Variants in PRPF40B observed in about 807,000 individuals in gnomAD.
PRPF40B encodes pre-mRNA-processing factor 40 homolog B.
PRPF40B carries 56 observed loss-of-function variants against 124.5 expected under a neutral mutation model. The ratio of observed to expected loss-of-function variants is 0.45; its 90% CI spans 0.36 to 0.56. The LOEUF is 0.56. PRPF40B is among the 20% of genes least tolerant of loss of function. The probability of loss-of-function intolerance (pLI) is 0.00; values close to 1 mark genes in which losing one functional copy is unlikely to be tolerated. For synonymous variants in PRPF40B, 443 were observed against 426.4 expected (o/e 1.04, Z -0.48); for missense variants, 1,053 against 1,169.5 (o/e 0.90, Z 1.45).
intron 4 of PRPF40B, 55 bp from the exon 5 acceptor site, chr12:49,632,541 T>C: frequency 6.3e-7 from 1 of 1,594,238 alleles, no homozygotes; most frequent in Non-Finnish European, 8.6e-7. Context: ...ATGGCCTGGG[T>C]CCTGGGGGCC....
At position 49,631,737 on chromosome 12, in the gene PRPF40B, G is replaced by T; in HGVS notation, c.229-123G>T. ...AGAGGCCAGAATCTGGGGATTGCCT[G>T]AGGAAGTGCCCAAGTGAGGGTCATG... On this transcript the variant is annotated intron_variant, in intron 3 of 25. Transcript: ENST00000548825. This position sits in a 1 kb window ranked among gnomAD's most constrained non-coding sequence, Gnocchi z 4.3. 1 of 1,256,258 alleles carries T rather than the reference G, an allele frequency of 8.0e-7. No individual in the cohort carries two copies. Among genetic ancestry groups the T allele is most frequent in the Non-Finnish European group, 1.2e-6 (1 of 858,602 alleles). The allele number at this position is 1,256,258 out of a possible 1,614,324, so 77.8% of individuals were successfully genotyped here. A position where few individuals can be genotyped will look rare whatever the true frequency, so the allele number is the denominator to read the frequency against.
chr12:49,637,728 T>TA lies in PRPF40B; in HGVS notation c.1676-4dup, dbSNP rs774476500. The TA allele has an allele frequency of 3.2e-6, 5 of 1,557,498 alleles. No homozygotes were observed. In the African/African-American group the frequency reaches 5.5e-5, roughly 17 times the overall value. On this transcript the variant is annotated splice_polypyrimidine_tract_variant and splice_region_variant and intron_variant, in intron 17 of 25. Coordinates refer to ENST00000548825, the MANE Select transcript of PRPF40B (RefSeq NM_001031698.3). ...CGCCAGGCCCCCCTCCCTCCCTCCT[T>TA]ACAGGCTCCACCCCTCTGGACTTAT...
Position 49,623,741 on chromosome 12 carries a change from C to G in PRPF40B, c.3+148C>G, listed in dbSNP as rs1400081733. On this transcript the variant is annotated intron_variant, in intron 1 of 25. Coordinates refer to ENST00000548825, the MANE Select transcript of PRPF40B (RefSeq NM_001031698.3). ...GGAGGCCAAGGGTGAGGGAAGAGAG[C>G]CCGGGAGGGGGGATGGGGGCGGGGA... The G allele has an allele frequency of 4.2e-6, 4 of 958,260 alleles. No individual in the cohort carries two copies. The Admixed American group carries it at 2.6e-4, about 63-fold the overall frequency. The allele number at this position is 958,260 out of a possible 1,614,324, so 59.4% of individuals were successfully genotyped here. A position where few individuals can be genotyped will look rare whatever the true frequency, so the allele number is the denominator to read the frequency against.
intron 10 of PRPF40B, 51 bp downstream of exon 10, chr12:49,634,143 C>G: frequency 2.5e-6 from 4 of 1,593,074 alleles, no homozygotes; most frequent in Non-Finnish European, 3.4e-6. Flanking sequence ...GACTCCCAGC[C>G]TGGTTCAACC....
At chr12:49,637,658 G>T (rs1942024929) in intron 17 of PRPF40B, 74 bp downstream of exon 17, 4 of 1,558,536 alleles carry the variant, frequency 2.6e-6, no homozygotes, top group Non-Finnish European at 2.6e-6. Context: ...CCTACTACCG[G>T]CTCCTGTCCT....
At chr12:49,625,708 A>G (rs530731417) in intron 1 of PRPF40B, among the ~76,000 whole-genome samples, 257 of 152,256 alleles carry the variant, frequency 1.7e-3, no homozygotes, top group African/African-American at 5.9e-3. Context: ...TCAGCCCACA[A>G]ATGTGTTTTT....
intron 18 of PRPF40B, chr12:49,638,463 A>G (rs1226057163): frequency 6.6e-6 from 1 of 152,240 alleles, no homozygotes; most frequent in Non-Finnish European, 1.5e-5. Flanking sequence ...CCTTCTTGAT[A>G]CTGTCGCAAG....
chr12:49,644,271 T>C lies in PRPF40B; in HGVS notation c.*79T>C, dbSNP rs1362407224. Reference sequence around the variant, plus strand: ...ACCCTCACCGTCTGCCTCAGACTTCTTCCTTAGTCTGGTCTGTGTCCACTT... The same window carrying C: ...ACCCTCACCGTCTGCCTCAGACTTCCTCCTTAGTCTGGTCTGTGTCCACTT... On this transcript the variant is annotated 3_prime_UTR_variant, in exon 26 of 26. Coordinates refer to ENST00000548825, the MANE Select transcript of PRPF40B (RefSeq NM_001031698.3). 3.4e-6 allele frequency: 5 copies of C among 1,487,138 alleles called. No individual in the cohort carries two copies. The highest frequency in any genetic ancestry group is 2.8e-5 in the African/African-American group (2 of 72,222). 92.1% of individuals were successfully genotyped at this position (1,487,138 alleles called of 1,614,324 possible).
At chr12:49,634,946 C>G (rs377085150) in intron 12 of PRPF40B, 153 bp from the exon 13 acceptor site, 1 of 807,748 alleles carries the variant, frequency 1.2e-6, no homozygotes, top group East Asian at 2.7e-5. Context: ...CTTCCTGTCA[C>G]CCCTACTTCT....
intron 4 of PRPF40B, 51 bp from the exon 5 acceptor site, chr12:49,632,545 G>A: frequency 6.3e-7 from 1 of 1,599,774 alleles, no homozygotes; most frequent in South Asian, 1.1e-5. Context: ...CCTGGGTCCT[G>A]GGGGCCACTG....
intron 18 of PRPF40B, chr12:49,641,635 AG>A (rs1942666488): frequency 6.7e-6 from 3 of 445,650 alleles, no homozygotes; most frequent in Non-Finnish European, 1.2e-5. Context: ...AAGGAACAAA[AG>A]TTAATTTTGA....
intron 9 of PRPF40B, 79 bp downstream of exon 9, chr12:49,633,740 C>T: frequency 1.9e-6 from 3 of 1,609,546 alleles, no homozygotes; most frequent in Non-Finnish European, 1.7e-6. Context: ...ATGATCTCTA[C>T]ACTGTGGGAG....
intron 2 of PRPF40B, among the ~76,000 whole-genome samples, chr12:49,630,947 C>T (rs1038833237): frequency 2.6e-5 from 4 of 152,158 alleles, no homozygotes; most frequent in African/African-American, 7.2e-5. Flanking sequence ...CTTACCTATG[C>T]TCTTTAAATA....
In PRPF40B at chr12:49,643,850, G is replaced by A; in HGVS notation, c.2443-11G>A. 1 of 1,614,146 alleles carries A rather than the reference G, an allele frequency of 6.2e-7. No homozygotes were observed. Among genetic ancestry groups the A allele is most frequent in the Non-Finnish European group, 8.5e-7 (1 of 1,179,992 alleles). On this transcript the variant is annotated splice_polypyrimidine_tract_variant and intron_variant, in intron 24 of 25. Transcript: ENST00000548825. ...ACAGGAACTGAGGAGGTGGGCTCTG[G>A]ACTCTTACAGAATAGTCCTGAGAGT...
intron 1 of PRPF40B, among the ~76,000 whole-genome samples, chr12:49,630,066 T>C (rs375079444): frequency 6.6e-6 from 1 of 152,180 alleles, no homozygotes; most frequent in African/African-American, 2.4e-5. Flanking sequence ...TAGCGACTAT[T>C]TGTGTTGAGA....
At chr12:49,622,956 G>A (rs1243663107), upstream of PRPF40B, among the ~76,000 whole-genome samples, 1 of 152,102 alleles carries the variant, frequency 6.6e-6, no homozygotes, top group Admixed American at 6.5e-5. Flanking sequence ...GCTCTCATGA[G>A]TTCAGCGCTC....
chr12:49,642,911 C>T lies in PRPF40B; in HGVS notation c.2119-19C>T. The T allele has an allele frequency of 6.2e-7, 1 of 1,607,802 alleles. No homozygotes were observed. Among genetic ancestry groups the T allele is most frequent in the Non-Finnish European group, 8.5e-7 (1 of 1,176,544 alleles). ...TAAGTCTGGTGCTGTCCTCACCCTTCTTCCTCTGCCTCTAGCAGACTGAAT... is the reference window on the plus strand; with the variant it reads ...TAAGTCTGGTGCTGTCCTCACCCTTTTTCCTCTGCCTCTAGCAGACTGAAT... On this transcript the variant is annotated intron_variant, in intron 21 of 25. Coordinates refer to ENST00000548825, the MANE Select transcript of PRPF40B (RefSeq NM_001031698.3). The surrounding 1 kb of genome is among the most constrained non-coding windows in gnomAD (Gnocchi z 5.8).
Position 49,635,503 on chromosome 12 carries a change from C to T in PRPF40B, c.1275+30C>T. 6.3e-7 allele frequency: 1 copy of T among 1,582,104 alleles called. No individual in the cohort carries two copies. Among genetic ancestry groups the T allele is most frequent in the East Asian group, 2.2e-5 (1 of 44,682 alleles). On this transcript the variant is annotated intron_variant, in intron 14 of 25. Transcript: ENST00000548825. The surrounding 1 kb of genome is among the most constrained non-coding windows in gnomAD (Gnocchi z 4.1). The stretch of plus-strand genomic sequence containing the variant: ...TGGTCCCTGGGCAGAATCCTTCAGC[C>T]CATCTCATCCTGGACTTTCCTTGTC...
At chr12:49,623,549 G>A, upstream of PRPF40B, 1 of 1,242,808 alleles carries the variant, frequency 8.0e-7, no homozygotes, top group Non-Finnish European at 1.0e-6. Flanking sequence ...GGCTCTTACT[G>A]GCGGGTGGGC....
Sources: gnomAD v4.1 joint callset for allele counts (sites outside exome capture counted in the v4.1 genomes callset) on GRCh38, gnomAD v4.1.1 for gene constraint, Gnocchi (gnomAD v3.1) non-coding constraint, MANE v1.5 for transcripts, NCBI Gene and HGNC (gene_info 2026-07-23, HGNC 2026-07-21) for gene names.